KIAA1328: variants seen among roughly 807,000 people sequenced by gnomAD.
The protein encoded by KIAA1328 is protein hinderin.
In KIAA1328, 52 loss-of-function variants were observed where a neutral mutation model predicts 68.1. The observed-to-expected ratio is 0.76, with a 90% CI of 0.61 to 0.96. The LOEUF (loss-of-function observed/expected upper bound fraction) is 0.96, where lower values mean the gene tolerates loss of function less well. KIAA1328 is among the 40% of genes least tolerant of loss of function. The pLI is 0.00. For missense variants in KIAA1328, 641 were observed against 677.6 expected (o/e 0.95, Z 0.60); for synonymous variants, 232 against 239.4 (o/e 0.97, Z 0.28).
At chr18:36,843,169 A>G (rs1159683475) in intron 3 of KIAA1328, among the ~76,000 whole-genome samples, 1 of 152,148 alleles carries the variant, frequency 6.6e-6, no homozygotes, top group Admixed American at 6.5e-5. Context: ...AGCTAGACCT[A>G]CCTTTCCAGC....
chr18:37,100,765 C>T (rs886993282), intron 7 of KIAA1328, among the ~76,000 whole-genome samples: 13 of 152,282 alleles, frequency 8.5e-5, no homozygotes, highest in South Asian at 2.1e-4. Context: ...CTGGGAGGCA[C>T]CCCCCAGTAG....
At chr18:37,033,374 C>T (rs2054907148) in intron 6 of KIAA1328, among the ~76,000 whole-genome samples, 1 of 152,158 alleles carries the variant, frequency 6.6e-6, no homozygotes. Flanking sequence ...TCTTCCTTTA[C>T]AATGTTTATT....
At chr18:36,974,254 G>A (rs951451499) in intron 6 of KIAA1328, among the ~76,000 whole-genome samples, 2 of 152,156 alleles carry the variant, frequency 1.3e-5, no homozygotes, top group Admixed American at 6.5e-5. Flanking sequence ...GGCTTTTAGT[G>A]TATCCATCAC....
chr18:36,877,248 G>A (rs1048556755), intron 4 of KIAA1328, among the ~76,000 whole-genome samples: 3 of 151,992 alleles, frequency 2.0e-5, no homozygotes, highest in Non-Finnish European at 2.9e-5. Flanking sequence ...TTTCTCTCTC[G>A]TTGATCTGAT....
intron 6 of KIAA1328, among the ~76,000 whole-genome samples, chr18:36,973,793 A>G (rs1324546240): frequency 4.0e-5 from 6 of 149,072 alleles, no homozygotes; most frequent in Non-Finnish European, 8.9e-5. Context: ...AGTTTTATAT[A>G]TAATTGTGTG....
intron 4 of KIAA1328, among the ~76,000 whole-genome samples, chr18:36,859,646 C>T (rs1466654257): frequency 6.6e-6 from 1 of 151,228 alleles, no homozygotes; most frequent in African/African-American, 2.4e-5. Context: ...GACAGTGCCT[C>T]GCTGTGTTGC....
intron 6 of KIAA1328, among the ~76,000 whole-genome samples, chr18:36,972,234 T>G (rs2052252207): frequency 6.6e-6 from 1 of 152,208 alleles, no homozygotes; most frequent in South Asian, 2.1e-4. Flanking sequence ...GAAATACATT[T>G]GGACCCTTCA....
intron 9 of KIAA1328, among the ~76,000 whole-genome samples, chr18:37,177,500 G>A (rs1266257895): frequency 1.3e-5 from 2 of 152,152 alleles, no homozygotes; most frequent in African/African-American, 2.4e-5. Flanking sequence ...GTGTGTCTGT[G>A]TGTAAGATGT....
intron 6 of KIAA1328, among the ~76,000 whole-genome samples, chr18:36,976,169 G>A (rs1448966915): frequency 6.6e-6 from 1 of 152,158 alleles, no homozygotes; most frequent in Non-Finnish European, 1.5e-5. Context: ...ATGAGACTGA[G>A]GAGAACTGAA....
intron 6 of KIAA1328, 40 bp downstream of exon 6, chr18:36,959,475 T>A: frequency 6.3e-7 from 1 of 1,584,912 alleles, no homozygotes; most frequent in Non-Finnish European, 8.6e-7. Context: ...CTTCAGTGGA[T>A]CAGCAAGATG....
intron 6 of KIAA1328, among the ~76,000 whole-genome samples, chr18:37,008,641 G>A (rs1248561419): frequency 2.6e-5 from 4 of 152,120 alleles, no homozygotes; most frequent in African/African-American, 7.2e-5. Context: ...AGCAGTTATC[G>A]ATAGCATAAA....
chr18:36,845,850 AT>A (rs2047010302), intron 4 of KIAA1328, among the ~76,000 whole-genome samples: 1 of 151,668 alleles, frequency 6.6e-6, no homozygotes, highest in Non-Finnish European at 1.5e-5. Context: ...TAGAAAAACA[AT>A]GTCATTTTGG....
At chr18:36,930,193 T>C (rs1324551724) in intron 5 of KIAA1328, among the ~76,000 whole-genome samples, 1 of 152,118 alleles carries the variant, frequency 6.6e-6, no homozygotes, top group Admixed American at 6.5e-5. Context: ...AGTTGAAAAT[T>C]TCAGCTGTTT....
chr18:36,934,893 A>G (rs954267013), intron 5 of KIAA1328, among the ~76,000 whole-genome samples: 1 of 152,238 alleles, frequency 6.6e-6, no homozygotes, highest in African/African-American at 2.4e-5. Flanking sequence ...TTTATAAGAA[A>G]TATGTGCTTT....
At chr18:36,879,010 A>G (rs887590541) in intron 4 of KIAA1328, among the ~76,000 whole-genome samples, 1 of 152,254 alleles carries the variant, frequency 6.6e-6, no homozygotes, top group Non-Finnish European at 1.5e-5. Flanking sequence ...TCTGAAGCCT[A>G]CTTCTGTCAA....
At chr18:36,938,761 A>T (rs11661504) in intron 5 of KIAA1328, among the ~76,000 whole-genome samples, 20,699 of 152,146 alleles carry the variant, frequency 0.14, 1,757 homozygotes, top group Admixed American at 0.18. Context: ...ATCTTTGTAT[A>T]TGGTGAGAGA....
At chr18:36,955,429 C>T (rs1174892630) in intron 5 of KIAA1328, among the ~76,000 whole-genome samples, 1 of 151,828 alleles carries the variant, frequency 6.6e-6, no homozygotes, top group African/African-American at 2.4e-5. Flanking sequence ...CCTGCCTCAG[C>T]CTCCCGAGTA....
At chr18:37,154,005 G>A (rs564360785) in intron 7 of KIAA1328, among the ~76,000 whole-genome samples, 49 of 151,776 alleles carry the variant, frequency 3.2e-4, no homozygotes, top group African/African-American at 9.9e-4. Context: ...GCTGTCCCCC[G>A]AGGATTTCCT....
intron 5 of KIAA1328, among the ~76,000 whole-genome samples, chr18:36,942,243 C>T (rs1468328478): frequency 6.6e-6 from 1 of 152,150 alleles, no homozygotes; most frequent in Non-Finnish European, 1.5e-5. Flanking sequence ...TGGGCTTGGT[C>T]AGCTAGATGT....
Sources: gnomAD v4.1 joint callset for allele counts (sites outside exome capture counted in the v4.1 genomes callset) on GRCh38, gnomAD v4.1.1 for gene constraint, MANE v1.5 for transcripts, NCBI Gene and HGNC (gene_info 2026-07-23, HGNC 2026-07-21) for gene names.